Variants in ANKRD13C observed in about 807,000 individuals in gnomAD.
ANKRD13C encodes the protein ankyrin repeat domain-containing protein 13C.
A neutral mutation model predicts 65.5 loss-of-function variants in ANKRD13C; 16 were observed. The observed-to-expected ratio is 0.24, with a 90% confidence interval of 0.17 to 0.37. The LOEUF is 0.37. Among genes scored for constraint, ANKRD13C ranks in the 10% least tolerant of loss-of-function variants. ANKRD13C has a pLI of 1.00. For missense variants in ANKRD13C, 503 were observed against 655.9 expected (o/e 0.77, Z 2.55); for synonymous variants, 235 against 238.7 (o/e 0.98, Z 0.14).
chr1:70,260,447 TA>T lies in ANKRD13C; in HGVS notation c.*2269del, dbSNP rs2101078966. 6.6e-6 allele frequency: 1 copy of T among 152,282 alleles called. No homozygotes were observed. Among genetic ancestry groups the T allele is most frequent in the East Asian group, 1.9e-4 (1 of 5,188 alleles). The allele number at this position is 152,282 out of a possible 1,614,324, so 9.4% of individuals were successfully genotyped here. A position where few individuals can be genotyped will look rare whatever the true frequency, so the allele number is the denominator to read the frequency against. On this transcript the variant is annotated 3_prime_UTR_variant, in exon 13 of 13. Coordinates refer to ENST00000370944, the MANE Select transcript of ANKRD13C (RefSeq NM_030816.5). ...AAAATCACAAATGGAGAAGAACATA[TA>T]GAATTTTGTGTACCTACATTGCAAA...
At chr1:70,264,038 G>A (rs1229185713) in intron 12 of ANKRD13C, among the ~76,000 whole-genome samples, 2 of 152,018 alleles carry the variant, frequency 1.3e-5, no homozygotes, top group Non-Finnish European at 2.9e-5. Context: ...TTATTCCTTT[G>A]TACCTACTAT....
chr1:70,339,837 TTATTATTA>T (rs1296399317), intron 1 of ANKRD13C, among the ~76,000 whole-genome samples: 1 of 114,032 alleles, frequency 8.8e-6, no homozygotes, highest in Non-Finnish European at 1.8e-5. Flanking sequence ...ATTATTATTA[TTATTATTA>T]TTATTATTAT....
intron 1 of ANKRD13C, among the ~76,000 whole-genome samples, chr1:70,349,973 TAAAAATAC>T (rs1682679801): frequency 6.6e-6 from 1 of 152,118 alleles, no homozygotes; most frequent in Admixed American, 6.6e-5. Flanking sequence ...CTGTCTCTAC[TAAAAATAC>T]AAAAATACAA....
At position 70,334,816 on chromosome 1, in the gene ANKRD13C, G is replaced by T. The variant is rs182808657; in HGVS notation, c.472+1242C>A. ...AGCTACTCCGGAGGCTGAGGCAGGA[G>T]AGTCGCTTGAACCTGGGAGGCAGAG... On this transcript the variant is annotated intron_variant, in intron 2 of 12. Transcript: ENST00000370944. Among the ~76,000 whole-genome samples, 524 of 152,102 alleles carry T rather than the reference G, an allele frequency of 3.4e-3. 3 individuals are homozygous for T. The highest frequency in any genetic ancestry group is 0.012 in the African/African-American group (505 of 41,504).
In ANKRD13C at chr1:70,324,897, C is replaced by CA; in HGVS notation, c.532dup (p.Trp178LeufsTer13). ...GCTGATGGCTTCCGCCAGAGGGCTC[C>CA]ATCCCTGAGCATTTTTCACCTTGAC... On this transcript the variant is annotated frameshift_variant, in exon 3 of 13. Transcript: ENST00000370944. LOFTEE classifies it high-confidence loss of function. 1 of 1,611,636 alleles carries CA rather than the reference C, an allele frequency of 6.2e-7. No homozygotes were observed. Among genetic ancestry groups the CA allele is most frequent in the East Asian group, 2.2e-5 (1 of 44,742 alleles).
chr1:70,266,351 C>T (rs1462337495), intron 12 of ANKRD13C, among the ~76,000 whole-genome samples: 36 of 152,140 alleles, frequency 2.4e-4, no homozygotes, highest in East Asian at 3.8e-4. Flanking sequence ...GTATATCCCA[C>T]GGTATAGGTG....
intron 2 of ANKRD13C, 145 bp from the exon 3 acceptor site, chr1:70,325,102 T>C: frequency 2.0e-6 from 1 of 510,938 alleles, no homozygotes; most frequent in Non-Finnish European, 3.2e-6. Flanking sequence ...TTTGAAAAAT[T>C]TCTATGTATC....
intron 8 of ANKRD13C, among the ~76,000 whole-genome samples, chr1:70,293,139 T>G (rs147377068): frequency 6.6e-6 from 1 of 152,024 alleles, no homozygotes. Context: ...ACCAATACAA[T>G]TAAAGTGTTT....
At chr1:70,348,050 A>T (rs1327474557) in intron 1 of ANKRD13C, among the ~76,000 whole-genome samples, 9 of 152,306 alleles carry the variant, frequency 5.9e-5, no homozygotes, top group Non-Finnish European at 2.9e-5. Flanking sequence ...AAAATTGTTC[A>T]CCAGTAGCTA....
intron 12 of ANKRD13C, among the ~76,000 whole-genome samples, chr1:70,266,828 T>C (rs269275): frequency 0.21 from 32,058 of 152,170 alleles, 3,910 homozygotes; most frequent in Non-Finnish European, 0.28. Flanking sequence ...GGTTCTTTTA[T>C]ATATATTCAG....
At chr1:70,270,716 TG>T (rs1211429791) in intron 12 of ANKRD13C, 139 bp downstream of exon 12, 3 of 602,298 alleles carry the variant, frequency 5.0e-6, no homozygotes, top group Non-Finnish European at 9.0e-6. Flanking sequence ...CATCTCCTGC[TG>T]TGCACCCCAC....
chr1:70,276,919 A>G (rs1019423671), intron 9 of ANKRD13C, 75 bp from the exon 10 acceptor site: 47 of 1,163,392 alleles, frequency 4.0e-5, no homozygotes, highest in Admixed American at 1.4e-4. Context: ...TAAGATTAAA[A>G]TACATCGTAA....
chr1:70,317,365 T>C (rs1368045436), intron 3 of ANKRD13C, among the ~76,000 whole-genome samples: 1 of 152,158 alleles, frequency 6.6e-6, no homozygotes, highest in Non-Finnish European at 1.5e-5. Context: ...TTTCCAATGA[T>C]ATACAGAAAA....
intron 5 of ANKRD13C, 88 bp downstream of exon 5, chr1:70,313,657 T>A: frequency 1.0e-6 from 1 of 967,788 alleles, no homozygotes; most frequent in East Asian, 2.4e-5. Flanking sequence ...TTAAATTTGT[T>A]ATCCTAACAT....
chr1:70,351,161 A>G (rs1682727810), intron 1 of ANKRD13C, among the ~76,000 whole-genome samples: 1 of 152,232 alleles, frequency 6.6e-6, no homozygotes, highest in African/African-American at 2.4e-5. Flanking sequence ...ATTAAATGTT[A>G]CAATGTATGT....
At position 70,262,668 on chromosome 1, in the gene ANKRD13C, G is replaced by A. The variant is rs774649052; in HGVS notation, c.*49C>T. The A allele has an allele frequency of 2.5e-6, 4 of 1,583,292 alleles. No individual in the cohort carries two copies. Among genetic ancestry groups the A allele is most frequent in the Non-Finnish European group, 3.4e-6 (4 of 1,162,966 alleles). ...CCTTCTATTTGGATCCACTTCTAGG[G>A]TCTCTGTATTTTCTTTCCTTGGTTA... is the stretch of plus-strand genomic sequence containing the variant. On this transcript the variant is annotated 3_prime_UTR_variant, in exon 13 of 13. Transcript: ENST00000370944.
At chr1:70,276,957 C>G (rs1679166823) in intron 9 of ANKRD13C, 113 bp from the exon 10 acceptor site, 1 of 843,570 alleles carries the variant, frequency 1.2e-6, no homozygotes, top group East Asian at 2.7e-5. Flanking sequence ...TCTACTTAAT[C>G]TCTTCAATAT....
intron 6 of ANKRD13C, among the ~76,000 whole-genome samples, chr1:70,303,416 T>G (rs1680460161): frequency 6.6e-6 from 1 of 152,144 alleles, no homozygotes; most frequent in Admixed American, 6.5e-5. Context: ...GAAGAAAGCC[T>G]GAAAAAATGC....
intron 7 of ANKRD13C, 114 bp downstream of exon 7, chr1:70,300,650 C>T (rs1207146405): frequency 1.0e-6 from 1 of 959,024 alleles, no homozygotes; most frequent in Non-Finnish European, 1.4e-6. Flanking sequence ...GCTTTAGGAA[C>T]AAACCATCTC....
Sources: gnomAD v4.1 joint callset for allele counts (sites outside exome capture counted in the v4.1 genomes callset) on GRCh38, gnomAD v4.1.1 for gene constraint, MANE v1.5 for transcripts, NCBI Gene and HGNC (gene_info 2026-07-23, HGNC 2026-07-21) for gene names.